The following CDH13 variants were observed in gnomAD, a reference collection of about 807,000 sequenced individuals.
The protein encoded by CDH13 is cadherin 13, also known as cadherin-13.
A neutral mutation model predicts 63.8 loss-of-function variants in CDH13; 24 were observed. The observed-to-expected ratio is 0.38, with a 90% confidence interval of 0.27 to 0.53. CDH13 has a LOEUF of 0.53. Ranked by LOEUF, CDH13 falls within the 20% of genes least tolerant of loss-of-function variation. CDH13 has a pLI of 0.85. For missense variants in CDH13, 1,049 were observed against 903.1 expected, an observed-to-expected ratio of 1.16 and a Z score of -2.07; for synonymous variants, 503 against 355.3, an observed-to-expected ratio of 1.42 and a Z score of -4.67.
chr16:83,150,509 C>G (rs2036931708), intron 4 of CDH13, among the ~76,000 whole-genome samples: 1 of 152,202 alleles, frequency 6.6e-6, no homozygotes, highest in Non-Finnish European at 1.5e-5. Flanking sequence ...CAACTCCACA[C>G]TCAGATACTG....
chr16:82,885,527 C>G (rs939103162), intron 2 of CDH13, among the ~76,000 whole-genome samples: 1 of 148,518 alleles, frequency 6.7e-6, no homozygotes. Flanking sequence ...ATTCATCCAT[C>G]CATCCATCCA....
intron 7 of CDH13, among the ~76,000 whole-genome samples, chr16:83,523,868 C>T (rs1168537057): frequency 6.6e-6 from 1 of 152,216 alleles, no homozygotes; most frequent in Non-Finnish European, 1.5e-5. Flanking sequence ...ATCCATTGTT[C>T]TGGGAAAGAT....
chr16:82,897,556 A>G (rs2041310949), intron 2 of CDH13, among the ~76,000 whole-genome samples: 1 of 152,194 alleles, frequency 6.6e-6, no homozygotes, highest in African/African-American at 2.4e-5. Flanking sequence ...TCCCCATTTT[A>G]TAGATGAGGA....
chr16:83,291,467 T>C (rs1895538), intron 5 of CDH13, among the ~76,000 whole-genome samples: 67,788 of 151,912 alleles, frequency 0.45, 16,515 homozygotes, highest in South Asian at 0.64. Flanking sequence ...TAGTGCAAAA[T>C]TGGGACAAAG....
intron 1 of CDH13, among the ~76,000 whole-genome samples, chr16:82,666,197 A>T (rs1912563955): frequency 6.6e-6 from 1 of 152,200 alleles, no homozygotes; most frequent in Admixed American, 6.5e-5. Context: ...GGATGTGTTT[A>T]TCCTTAGGTG....
Position 83,678,429 on chromosome 16 carries a change from G to A in CDH13, c.1506G>A (p.Thr502=), listed in dbSNP as rs184869802. Reference sequence around the variant, plus strand: ...GCGTGCTGCTGACAGTGAATGCCACGGACCCCGACTCCCTGCAGCATCAAA... The same window carrying A: ...GCGTGCTGCTGACAGTGAATGCCACAGACCCCGACTCCCTGCAGCATCAAA... ...VGSVLLTVNA[T]DPDSLQHQTI... is the part of the protein sequence containing the mutation. The change falls in exon 10 of 14, where the codon ACG becomes ACA. Residue 502 remains threonine, a synonymous_variant. Transcript: ENST00000567109. The A allele has an allele frequency of 2.2e-5, 36 of 1,613,916 alleles. No individual in the cohort carries two copies. Among genetic ancestry groups the A allele is most frequent in the South Asian group, 1.3e-4 (12 of 91,070 alleles).
In CDH13 at chr16:82,826,897, G is replaced by A. The variant is rs571387987; in HGVS notation, c.46-31465G>A. Among the ~76,000 whole-genome samples, 4 of 152,334 alleles carry A rather than the reference G, an allele frequency of 2.6e-5. No homozygotes were observed. The East Asian group carries it at 5.8e-4, about 22-fold the overall frequency. On this transcript the variant is annotated intron_variant, in intron 1 of 13. Transcript: ENST00000567109. ...TCAAGTTACAGCAGCTAGAGAAGCT[G>A]AGAAAGACTACAGTCGACTCTCAGG...
At chr16:83,396,968 C>T (rs2091896092) in intron 6 of CDH13, among the ~76,000 whole-genome samples, 1 of 152,124 alleles carries the variant, frequency 6.6e-6, no homozygotes, top group Non-Finnish European at 1.5e-5. Context: ...GATAACTTGC[C>T]CATGGTTACA....
At chr16:83,527,427 C>T (rs4439751) in intron 7 of CDH13, among the ~76,000 whole-genome samples, 83,854 of 151,032 alleles carry the variant, frequency 0.56, 26,289 homozygotes, top group Non-Finnish European at 0.71. Context: ...CCAGCCTGGG[C>T]GACAAAGCGA....
At chr16:83,498,506 A>G (rs1273925043) in intron 7 of CDH13, among the ~76,000 whole-genome samples, 1 of 152,242 alleles carries the variant, frequency 6.6e-6, no homozygotes, top group Non-Finnish European at 1.5e-5. Context: ...CTGAAAGAAC[A>G]GTGTCACCAT....
intron 7 of CDH13, among the ~76,000 whole-genome samples, chr16:83,554,698 A>G (rs114866573): frequency 6.6e-6 from 1 of 151,892 alleles, no homozygotes; most frequent in East Asian, 1.9e-4. Flanking sequence ...CACACACACA[A>G]ATACTTCTGC....
chr16:83,790,190 C>G (rs190433209), intron 13 of CDH13: 21 of 152,294 alleles, frequency 1.4e-4, no homozygotes, highest in Admixed American at 1.2e-3. Flanking sequence ...CCAGCATTCA[C>G]CATTGACTGC....
At chr16:83,117,464 G>C (rs2035360293) in intron 3 of CDH13, among the ~76,000 whole-genome samples, 1 of 151,920 alleles carries the variant, frequency 6.6e-6, no homozygotes, top group Non-Finnish European at 1.5e-5. Context: ...CTCTCCCCCT[G>C]AGCACTTCCA....
At chr16:83,524,331 T>C (rs1346032209) in intron 7 of CDH13, among the ~76,000 whole-genome samples, 1 of 152,084 alleles carries the variant, frequency 6.6e-6, no homozygotes, top group East Asian at 1.9e-4. Flanking sequence ...TAAAAATGTA[T>C]AACCACATTA....
chr16:82,779,011 G>A (rs554775582), intron 1 of CDH13, among the ~76,000 whole-genome samples: 9 of 152,222 alleles, frequency 5.9e-5, no homozygotes, highest in Non-Finnish European at 1.0e-4. Context: ...TTGAGATCCC[G>A]GAAAGCAAAG....
At chr16:83,120,646 G>C (rs76237067) in intron 3 of CDH13, among the ~76,000 whole-genome samples, 6,051 of 151,650 alleles carry the variant, frequency 0.04, 370 homozygotes, top group African/African-American at 0.14. Context: ...ATGATATTCA[G>C]ATATTACAAA....
intron 2 of CDH13, among the ~76,000 whole-genome samples, chr16:82,866,099 C>A (rs1450111833): frequency 6.6e-6 from 1 of 152,140 alleles, no homozygotes; most frequent in Non-Finnish European, 1.5e-5. Context: ...ATTCCAGTTC[C>A]CAGCAAGTTC....
At chr16:82,882,853 G>C (rs765389292) in intron 2 of CDH13, among the ~76,000 whole-genome samples, 21 of 151,862 alleles carry the variant, frequency 1.4e-4, no homozygotes, top group Admixed American at 7.2e-4. Context: ...CTCCTTCTTG[G>C]GATATTAGGA....
At chr16:83,690,875 C>G (rs1353621433) in intron 10 of CDH13, among the ~76,000 whole-genome samples, 1 of 152,020 alleles carries the variant, frequency 6.6e-6, no homozygotes, top group Non-Finnish European at 1.5e-5. Context: ...GCATGCACCA[C>G]CACACCCAGC....
Sources: allele counts gnomAD v4.1 joint callset (sites outside exome capture counted in the v4.1 genomes callset), GRCh38; gene constraint gnomAD v4.1.1; transcripts MANE v1.5; gene names NCBI Gene and HGNC (gene_info 2026-07-23, HGNC 2026-07-21).